Variants in MAP3K21 observed in about 807,000 individuals in gnomAD.
MAP3K21 encodes the protein mitogen-activated protein kinase kinase kinase 21.
In MAP3K21, 63 loss-of-function variants were observed where a neutral mutation model predicts 86.1. The observed-to-expected ratio is 0.73, with a 90% CI of 0.60 to 0.90. The LOEUF (loss-of-function observed/expected upper bound fraction) is 0.90, where lower values mean the gene tolerates loss of function less well. Among genes scored for constraint, MAP3K21 ranks in the 40% least tolerant of loss-of-function variants. The pLI is 0.00. For synonymous variants in MAP3K21, 558 were observed against 564.8 expected (o/e 0.99, Z 0.17); for missense variants, 1,220 against 1,367.7 (o/e 0.89, Z 1.70).
intron 1 of MAP3K21, among the ~76,000 whole-genome samples, chr1:233,345,168 G>A (rs1663108745): frequency 6.6e-6 from 1 of 152,194 alleles, no homozygotes; most frequent in East Asian, 1.9e-4. Context: ...GTGGAAGACA[G>A]TGTGGCGATT....
At chr1:233,367,324 A>G (rs1159139315) in intron 5 of MAP3K21, among the ~76,000 whole-genome samples, 1 of 152,226 alleles carries the variant, frequency 6.6e-6, no homozygotes, top group Non-Finnish European at 1.5e-5. Context: ...CCACTGAGGC[A>G]ATTAGCTTTG....
chr1:233,350,425 G>A (rs1161329531), intron 2 of MAP3K21, among the ~76,000 whole-genome samples: 2 of 152,008 alleles, frequency 1.3e-5, no homozygotes, highest in African/African-American at 4.8e-5. Flanking sequence ...TAGGATATCC[G>A]GATGGGCAAA....
intron 8 of MAP3K21, among the ~76,000 whole-genome samples, chr1:233,377,784 GA>G (rs1663827278): frequency 6.6e-6 from 1 of 152,100 alleles, no homozygotes; most frequent in Admixed American, 6.6e-5. Flanking sequence ...CCATAATGTA[GA>G]ATCAGTGGGA....
chr1:233,376,131 C>T, intron 7 of MAP3K21, 65 bp downstream of exon 7: 2 of 1,351,422 alleles, frequency 1.5e-6, no homozygotes, highest in Non-Finnish European at 2.0e-6. Flanking sequence ...GTGTTAATAT[C>T]ACATCAGCCA....
At chr1:233,341,473 G>A (rs921403648) in intron 1 of MAP3K21, among the ~76,000 whole-genome samples, 1 of 152,156 alleles carries the variant, frequency 6.6e-6, no homozygotes, top group Non-Finnish European at 1.5e-5. Flanking sequence ...TTTGGAGTGT[G>A]ATTTGAACTT....
intron 8 of MAP3K21, among the ~76,000 whole-genome samples, chr1:233,378,106 G>A (rs1663833163): frequency 1.3e-5 from 2 of 152,332 alleles, no homozygotes; most frequent in South Asian, 4.1e-4. Context: ...ATGGCCTGGG[G>A]TTCAGGGACC....
intron 6 of MAP3K21, among the ~76,000 whole-genome samples, chr1:233,374,599 G>A (rs1663753319): frequency 6.6e-6 from 1 of 152,112 alleles, no homozygotes; most frequent in South Asian, 2.1e-4. Flanking sequence ...TTTACAAAGT[G>A]ATATAAAGGA....
chr1:233,382,544 C>G lies in MAP3K21; in HGVS notation c.2944C>G (p.Pro982Ala), dbSNP rs1319722432. 6.2e-7 allele frequency: 1 copy of G among 1,614,164 alleles called. No individual in the cohort carries two copies. The highest frequency in any genetic ancestry group is 8.5e-7 in the Non-Finnish European group (1 of 1,180,032). ...TGTAGTGGGTCGCCCAGGACCACAT[C>G]CCACCCAATTCCTCGCTGCCAAGGA... is the stretch of plus-strand genomic sequence containing the variant. The part of the protein sequence containing the change: ...ACVVGRPGPH[P>A]TQFLAAKERT... The change falls in exon 10 of 10, where the codon CCC becomes GCC. Residue 982 changes from proline (P) to alanine (A), a missense_variant. By Grantham distance (27) the Pro-to-Ala change is conservative. Transcript: ENST00000366624.
chr1:233,372,116 C>G lies in MAP3K21; in HGVS notation c.1631C>G (p.Pro544Arg). 6.2e-7 allele frequency: 1 copy of G among 1,614,114 alleles called. No homozygotes were observed. Among genetic ancestry groups the G allele is most frequent in the Non-Finnish European group, 8.5e-7 (1 of 1,180,012 alleles). The change falls in exon 6 of 10, where the codon CCC becomes CGC. Residue 544 changes from proline to arginine, a missense_variant. Pro to Arg is a moderately radical substitution (Grantham distance 103, BLOSUM62 -2). This residue lies in a region of MAP3K21 where 632 missense variants were observed against 691.3 expected (regional missense o/e 0.91). Transcript: ENST00000366624. ...RRSLNSSSSSPPSSPTMMPRL... is the reference protein window; with the variant it reads ...RRSLNSSSSSRPSSPTMMPRL... Reference sequence around the variant, plus strand: ...AGCCTGAACAGCAGCAGTTCCAGTCCCCCGAGCAGCCCCACAATGATGCCC... The same window carrying G: ...AGCCTGAACAGCAGCAGTTCCAGTCGCCCGAGCAGCCCCACAATGATGCCC...
chr1:233,336,155 A>T (rs779341723), intron 1 of MAP3K21, among the ~76,000 whole-genome samples: 2 of 152,204 alleles, frequency 1.3e-5, no homozygotes, highest in Admixed American at 1.3e-4. Flanking sequence ...GCTTCAGTGA[A>T]CCTTAGGAAT....
intron 1 of MAP3K21, among the ~76,000 whole-genome samples, chr1:233,343,113 C>T (rs1663069637): frequency 6.6e-6 from 1 of 152,178 alleles, no homozygotes; most frequent in African/African-American, 2.4e-5. Flanking sequence ...TGGGTTCCCT[C>T]CAATTGCATT....
intron 2 of MAP3K21, among the ~76,000 whole-genome samples, chr1:233,352,847 G>A (rs1289981793): frequency 6.6e-6 from 1 of 152,190 alleles, no homozygotes; most frequent in East Asian, 1.9e-4. Context: ...AAAGATATCT[G>A]CGTGTACTTT....
chr1:233,354,170 A>G (rs1291015123), intron 3 of MAP3K21, among the ~76,000 whole-genome samples: 2 of 152,224 alleles, frequency 1.3e-5, no homozygotes, highest in Non-Finnish European at 2.9e-5. Context: ...CAGTTTTATC[A>G]GTGACTTATT....
rs1438337836 is a variant in MAP3K21, at chr1:233,383,276, G to A, written c.*565G>A. 6.5e-6 allele frequency: 1 copy of A among 152,682 alleles called. No homozygotes were observed. The highest frequency in any genetic ancestry group is 2.4e-5 in the African/African-American group (1 of 41,336). The allele number at this position is 152,682 out of a possible 1,614,324, so 9.5% of individuals were successfully genotyped here. On this transcript the variant is annotated 3_prime_UTR_variant, in exon 10 of 10. Transcript: ENST00000366624. ...ACGACTGGAATAGATATAAAGTCCTGTTTAAACTACCTAACCTTGGCTGTG... is the reference window on the plus strand; with the variant it reads ...ACGACTGGAATAGATATAAAGTCCTATTTAAACTACCTAACCTTGGCTGTG...
Position 233,327,971 on chromosome 1 carries a change from G to T in MAP3K21, c.-58G>T. 8.2e-7 allele frequency: 1 copy of T among 1,226,288 alleles called. No individual in the cohort carries two copies. The highest frequency in any genetic ancestry group is 1.0e-6 in the Non-Finnish European group (1 of 984,048). 76.0% of individuals were successfully genotyped at this position (1,226,288 alleles called of 1,614,324 possible). A position where few individuals can be genotyped will look rare whatever the true frequency, so the allele number is the denominator to read the frequency against. ...ACACCGCCGGACGATGCGCGCCCGC[G>T]GCCGCCCGGGAGGCTGAGCCCAGCT... On this transcript the variant is annotated 5_prime_UTR_variant, in exon 1 of 10. Coordinates refer to ENST00000366624, the MANE Select transcript of MAP3K21 (RefSeq NM_032435.3).
chr1:233,376,084 G>A lies in MAP3K21; in HGVS notation c.1826+18G>A, dbSNP rs1399571243. 3.2e-6 allele frequency: 5 copies of A among 1,582,930 alleles called. No individual in the cohort carries two copies. The African/African-American group carries it at 4.1e-5, about 13-fold the overall frequency. Reference sequence around the variant, plus strand: ...AAAGAAAGGTACGTGTGTGGTATCTGGTGGTATTCATTGTGTAATATGACA... The same window carrying A: ...AAAGAAAGGTACGTGTGTGGTATCTAGTGGTATTCATTGTGTAATATGACA... On this transcript the variant is annotated intron_variant, in intron 7 of 9. Coordinates refer to ENST00000366624, the MANE Select transcript of MAP3K21 (RefSeq NM_032435.3).
intron 1 of MAP3K21, among the ~76,000 whole-genome samples, chr1:233,343,954 G>T (rs1386424575): frequency 6.6e-6 from 1 of 152,222 alleles, no homozygotes; most frequent in African/African-American, 2.4e-5. Context: ...TTAGCTAGAG[G>T]AGAGGGTGGC....
At chr1:233,339,908 C>T (rs897719726) in intron 1 of MAP3K21, among the ~76,000 whole-genome samples, 1 of 152,182 alleles carries the variant, frequency 6.6e-6, no homozygotes, top group Non-Finnish European at 1.5e-5. Flanking sequence ...TCATCTTCTT[C>T]ATATTCATTC....
intron 4 of MAP3K21, among the ~76,000 whole-genome samples, chr1:233,359,677 C>A (rs951992141): frequency 3.3e-5 from 5 of 152,194 alleles, no homozygotes; most frequent in African/African-American, 1.2e-4. Flanking sequence ...ACCCCCCACA[C>A]AGAGGCATGC....
Sources: gnomAD v4.1 joint callset for allele counts (sites outside exome capture counted in the v4.1 genomes callset) on GRCh38, gnomAD v4.1.1 for gene constraint, gnomAD v4.1.1 regional missense constraint, MANE v1.5 for transcripts, NCBI Gene and HGNC (gene_info 2026-07-23, HGNC 2026-07-21) for gene names.